MLLT3: variants seen among roughly 807,000 people sequenced by gnomAD.
The protein encoded by MLLT3 is MLLT3 super elongation complex subunit, also known as protein AF-9.
A neutral mutation model predicts 53.2 loss-of-function variants in MLLT3; 4 were observed. The observed-to-expected ratio is 0.08, with a 90% CI of 0.04 to 0.17. The LOEUF (loss-of-function observed/expected upper bound fraction) is 0.17, where lower values mean the gene tolerates loss of function less well. Ranked by LOEUF, MLLT3 falls within the 10% of genes least tolerant of loss-of-function variation. The pLI, the probability that MLLT3 is intolerant of heterozygous loss-of-function variation, is 1.00. For synonymous variants in MLLT3, 283 were observed against 230.6 expected, an observed-to-expected ratio of 1.23 and a Z score of -2.06; for missense variants, 569 against 684.0, an observed-to-expected ratio of 0.83 and a Z score of 1.87.
At chr9:20,557,822 G>C (rs1228555970) in intron 2 of MLLT3, among the ~76,000 whole-genome samples, 6 of 152,206 alleles carry the variant, frequency 3.9e-5, no homozygotes, top group Non-Finnish European at 5.9e-5. Flanking sequence ...AGTACCGGGA[G>C]AGGGCAAGTC....
chr9:20,394,278 T>C lies in MLLT3; in HGVS notation c.1125+19443A>G, dbSNP rs932275569. ...AATGAAGCTTTCGGGTATTTGCCACTTACGGAGGCAGGGAGGCAGAGCAGT... is the reference window on the plus strand; with the variant it reads ...AATGAAGCTTTCGGGTATTTGCCACCTACGGAGGCAGGGAGGCAGAGCAGT... On this transcript the variant is annotated intron_variant, in intron 5 of 10. Coordinates refer to ENST00000380338, the MANE Select transcript of MLLT3 (RefSeq NM_004529.4). 3.3e-5 allele frequency among the ~76,000 whole-genome samples: 5 copies of C among 152,158 alleles called. No homozygotes were observed. In the East Asian group the frequency reaches 7.7e-4, roughly 24 times the overall value.
intron 2 of MLLT3, among the ~76,000 whole-genome samples, chr9:20,603,702 C>T (rs1820494212): frequency 6.6e-6 from 1 of 151,942 alleles, no homozygotes; most frequent in Admixed American, 6.6e-5. Context: ...CTGGAAAGTC[C>T]GTTAGTACTC....
intron 2 of MLLT3, among the ~76,000 whole-genome samples, chr9:20,467,165 G>A (rs1824257393): frequency 6.6e-6 from 1 of 150,484 alleles, no homozygotes; most frequent in Non-Finnish European, 1.5e-5. Flanking sequence ...TTTTTCAATT[G>A]AGACAAGCTC....
chr9:20,417,673 C>T (rs1822904603), intron 4 of MLLT3, among the ~76,000 whole-genome samples: 1 of 152,098 alleles, frequency 6.6e-6, no homozygotes, highest in South Asian at 2.1e-4. Flanking sequence ...TTTGCACTAA[C>T]TTTACAACCT....
At position 20,621,942 on chromosome 9, in the gene MLLT3, A is replaced by G. The variant is rs1234753400; in HGVS notation, c.12+303T>C. On this transcript the variant is annotated intron_variant, in intron 1 of 10. Transcript: ENST00000380338. This position sits in a 1 kb window ranked among gnomAD's most constrained non-coding sequence, Gnocchi z 7.0. ...GTGTGAGTGCGCGCGTGTGAGCGAGAGGGAGTGTGTGAGTGCGCTTCTTGT... is the reference window on the plus strand; with the variant it reads ...GTGTGAGTGCGCGCGTGTGAGCGAGGGGGAGTGTGTGAGTGCGCTTCTTGT... 140 of 1,375,462 alleles carry G rather than the reference A, an allele frequency of 1.0e-4. No homozygotes were observed. Among genetic ancestry groups the G allele is most frequent in the Non-Finnish European group, 1.3e-4 (136 of 1,070,532 alleles). The allele number at this position is 1,375,462 out of a possible 1,614,324, so 85.2% of individuals were successfully genotyped here.
intron 8 of MLLT3, among the ~76,000 whole-genome samples, chr9:20,355,114 A>C (rs920644687): frequency 5.3e-5 from 8 of 151,896 alleles, no homozygotes; most frequent in African/African-American, 1.7e-4. Context: ...AAAAAAAAAA[A>C]AAACAACACA....
At chr9:20,599,008 G>A (rs1340023235) in intron 2 of MLLT3, among the ~76,000 whole-genome samples, 2 of 152,170 alleles carry the variant, frequency 1.3e-5, no homozygotes, top group Non-Finnish European at 2.9e-5. Flanking sequence ...CAAATCATTA[G>A]AATTTTCTTT....
chr9:20,373,354 G>C (rs1414910890), intron 5 of MLLT3, among the ~76,000 whole-genome samples: 1 of 152,134 alleles, frequency 6.6e-6, no homozygotes, highest in Non-Finnish European at 1.5e-5. Context: ...AAATCATTTT[G>C]TAATGGATTT....
Position 20,610,646 on chromosome 9 carries a change from C to T in MLLT3, c.193+10008G>A, listed in dbSNP as rs567847667. ...ACATTGATGGAGCTATAAGTAGTATCTACAGTGATAACATAGGTCCCATCC... is the reference window on the plus strand; with the variant it reads ...ACATTGATGGAGCTATAAGTAGTATTTACAGTGATAACATAGGTCCCATCC... On this transcript the variant is annotated intron_variant, in intron 2 of 10. Coordinates refer to ENST00000380338, the MANE Select transcript of MLLT3 (RefSeq NM_004529.4). Among the ~76,000 whole-genome samples the T allele has an allele frequency of 3.3e-5, 5 of 152,248 alleles. No individual in the cohort carries two copies. The South Asian group carries it at 1.0e-3, about 32-fold the overall frequency.
Position 20,448,154 on chromosome 9 carries a change from T to C in MLLT3, c.389A>G (p.Asp130Gly). The change falls in exon 4 of 11, where the codon GAC becomes GGC. Residue 130 changes from aspartate (D) to glycine (G), a missense_variant. By Grantham distance (94) the Asp-to-Gly change is moderately conservative. Around this residue, in one of 5 missense-constraint regions of MLLT3, gnomAD observed 39 missense variants for 68.8 expected, o/e 0.57. Transcript: ENST00000380338. This position sits in a 1 kb window ranked among gnomAD's most constrained non-coding sequence, Gnocchi z 4.0. ...TGCCTTCAGCAACTTTCTCCTAAAG[T>C]CCTCTGTGGGGTTGTTGAAAGTTAG... is the stretch of plus-strand genomic sequence containing the variant. ...EKLTFNNPTE[D>G]FRRKLLKAGG... 1 of 1,613,496 alleles carries C rather than the reference T, an allele frequency of 6.2e-7. No homozygotes were observed. The highest frequency in any genetic ancestry group is 8.5e-7 in the Non-Finnish European group (1 of 1,179,678).
intron 2 of MLLT3, among the ~76,000 whole-genome samples, chr9:20,578,814 T>A (rs762353906): frequency 5.1e-4 from 78 of 152,256 alleles, no homozygotes; most frequent in Middle Eastern, 3.4e-3. Flanking sequence ...CATACCAGAT[T>A]CCAAAGGCTT....
chr9:20,479,897 G>C (rs535364070), intron 2 of MLLT3, among the ~76,000 whole-genome samples: 9 of 152,270 alleles, frequency 5.9e-5, no homozygotes, highest in African/African-American at 2.2e-4. Flanking sequence ...TGGTATATGT[G>C]ATACAACAGC....
chr9:20,516,731 A>T (rs568432478), intron 2 of MLLT3, among the ~76,000 whole-genome samples: 3 of 152,360 alleles, frequency 2.0e-5, no homozygotes, highest in Admixed American at 6.5e-5. Flanking sequence ...TTACATGGGA[A>T]TGTTAAATTG....
At chr9:20,566,874 T>C (rs1455845023) in intron 2 of MLLT3, among the ~76,000 whole-genome samples, 1 of 152,022 alleles carries the variant, frequency 6.6e-6, no homozygotes, top group Non-Finnish European at 1.5e-5. Context: ...AGCACAAGGA[T>C]ACGGAGGAAT....
intron 2 of MLLT3, among the ~76,000 whole-genome samples, chr9:20,536,120 C>G (rs928030077): frequency 6.6e-6 from 1 of 152,118 alleles, no homozygotes; most frequent in African/African-American, 2.4e-5. Context: ...AGCCAGAAAT[C>G]TATGCTTTGT....
chr9:20,538,600 G>C (rs1818544504), intron 2 of MLLT3, among the ~76,000 whole-genome samples: 1 of 152,040 alleles, frequency 6.6e-6, no homozygotes, highest in African/African-American at 2.4e-5. Flanking sequence ...TGAGATAAAA[G>C]AGAAAAGAAG....
intron 2 of MLLT3, among the ~76,000 whole-genome samples, chr9:20,562,784 G>T (rs978316084): frequency 6.6e-6 from 1 of 152,104 alleles, no homozygotes; most frequent in African/African-American, 2.4e-5. Flanking sequence ...TTTCTGCCTG[G>T]TAAGACCAGA....
intron 2 of MLLT3, among the ~76,000 whole-genome samples, chr9:20,592,637 A>T (rs901449313): frequency 2.0e-5 from 3 of 152,192 alleles, no homozygotes; most frequent in Non-Finnish European, 4.4e-5. Context: ...GGGGGCACAT[A>T]ATTTGGCACA....
intron 4 of MLLT3, among the ~76,000 whole-genome samples, chr9:20,445,598 T>C (rs1823674304): frequency 6.6e-6 from 1 of 152,190 alleles, no homozygotes; most frequent in Non-Finnish European, 1.5e-5. Context: ...AAAACAACCT[T>C]TCTGATCTCT....
Sources: allele counts gnomAD v4.1 joint callset (sites outside exome capture counted in the v4.1 genomes callset), GRCh38; gene constraint gnomAD v4.1.1; regional missense constraint gnomAD v4.1.1; non-coding constraint Gnocchi (gnomAD v3.1); transcripts MANE v1.5; gene names NCBI Gene and HGNC (gene_info 2026-07-23, HGNC 2026-07-21).